Variants in CACNA2D3 observed in about 807,000 individuals in gnomAD.
CACNA2D3 encodes voltage-dependent calcium channel subunit alpha-2/delta-3.
A neutral mutation model predicts 160.6 loss-of-function variants in CACNA2D3; 60 were observed. That is an observed-to-expected ratio of 0.37 (90% CI 0.30 to 0.46). CACNA2D3 has a LOEUF of 0.46. Ranked by LOEUF, CACNA2D3 falls within the 20% of genes least tolerant of loss-of-function variation. The pLI is 1.00. For synonymous variants in CACNA2D3, 558 were observed against 492.9 expected (o/e 1.13, Z -1.75); for missense variants, 1,205 against 1,365.0 (o/e 0.88, Z 1.85).
chr3:54,772,515 TC>T (rs1559576947), intron 13 of CACNA2D3, among the ~76,000 whole-genome samples: 3 of 152,006 alleles, frequency 2.0e-5, no homozygotes, highest in Non-Finnish European at 4.4e-5. Flanking sequence ...TGACAAAACT[TC>T]CTTTCAGGGC....
intron 14 of CACNA2D3, among the ~76,000 whole-genome samples, chr3:54,829,885 C>CTTTTTTTTTTTTTTTTT (rs58291013): frequency 6.2e-5 from 4 of 64,352 alleles, no homozygotes; most frequent in Admixed American, 2.0e-4. Context: ...TCTTCTTCAT[C>CTTTTTTTTTTTTTTTTT]TTTTTTTTTT....
intron 27 of CACNA2D3, among the ~76,000 whole-genome samples, chr3:54,947,630 A>G (rs1328161859): frequency 6.6e-6 from 1 of 152,036 alleles, no homozygotes; most frequent in Non-Finnish European, 1.5e-5. Flanking sequence ...GATAGTGGAG[A>G]CTTAGTAGCA....
At chr3:55,012,907 T>A (rs911217966) in intron 34 of CACNA2D3, among the ~76,000 whole-genome samples, 1 of 152,036 alleles carries the variant, frequency 6.6e-6, no homozygotes, top group Non-Finnish European at 1.5e-5. Flanking sequence ...ATTCTGCAAT[T>A]TCACCACCCC....
chr3:55,033,702 A>ATTT (rs370650160), intron 35 of CACNA2D3, among the ~76,000 whole-genome samples: 1 of 67,622 alleles, frequency 1.5e-5, no homozygotes, highest in Non-Finnish European at 3.2e-5. Flanking sequence ...CTTAAAAAAT[A>ATTT]TATATAATAT....
At chr3:54,630,116 G>A (rs139830367) in intron 10 of CACNA2D3, among the ~76,000 whole-genome samples, 4 of 152,204 alleles carry the variant, frequency 2.6e-5, no homozygotes, top group Non-Finnish European at 4.4e-5. Context: ...TCACACACCC[G>A]TGAGGTGGTC....
chr3:54,357,570 G>A (rs1201334001), intron 3 of CACNA2D3, among the ~76,000 whole-genome samples: 1 of 152,142 alleles, frequency 6.6e-6, no homozygotes, highest in Non-Finnish European at 1.5e-5. Flanking sequence ...GAGCTCTTTT[G>A]TATTTACCCA....
intron 17 of CACNA2D3, among the ~76,000 whole-genome samples, chr3:54,863,889 C>T (rs1699347059): frequency 1.3e-5 from 2 of 152,128 alleles, no homozygotes; most frequent in African/African-American, 4.8e-5. Flanking sequence ...CTTGACATGC[C>T]CCGTTGCCTC....
At chr3:54,192,129 T>A (rs1258669053) in intron 2 of CACNA2D3, among the ~76,000 whole-genome samples, 1 of 151,724 alleles carries the variant, frequency 6.6e-6, no homozygotes, top group Admixed American at 6.6e-5. Context: ...TTCTTTTTAA[T>A]TCCCTGTCAG....
chr3:54,552,582 A>G (rs1702176392), intron 5 of CACNA2D3, among the ~76,000 whole-genome samples: 1 of 152,186 alleles, frequency 6.6e-6, no homozygotes, highest in Non-Finnish European at 1.5e-5. Flanking sequence ...CTTTGGGGAT[A>G]GATTTCCTCA....
chr3:54,541,939 T>G (rs201680814), intron 5 of CACNA2D3, among the ~76,000 whole-genome samples: 20 of 142,068 alleles, frequency 1.4e-4, no homozygotes, highest in South Asian at 6.7e-4. Flanking sequence ...TGTGTGTGGG[T>G]TTTTTTTTTT....
At chr3:54,689,238 C>T (rs1187328764) in intron 11 of CACNA2D3, among the ~76,000 whole-genome samples, 2 of 152,128 alleles carry the variant, frequency 1.3e-5, no homozygotes, top group Non-Finnish European at 2.9e-5. Context: ...CTGTTGGTTT[C>T]ATTCCTCTCA....
chr3:54,177,295 C>T (rs997073731), intron 2 of CACNA2D3, among the ~76,000 whole-genome samples: 3 of 152,092 alleles, frequency 2.0e-5, no homozygotes, highest in African/African-American at 4.8e-5. Flanking sequence ...CTTTAAATTC[C>T]GGGTTTTTTA....
intron 13 of CACNA2D3, among the ~76,000 whole-genome samples, chr3:54,786,321 T>C (rs183628892): frequency 1.3e-3 from 204 of 152,322 alleles, no homozygotes; most frequent in African/African-American, 4.4e-3. Flanking sequence ...AATGGTAATA[T>C]GGATGAATGA....
chr3:54,503,470 G>GT (rs978487407), intron 4 of CACNA2D3, 22 bp from the exon 5 acceptor site: 2 of 1,612,654 alleles, frequency 1.2e-6, no homozygotes, highest in South Asian at 1.1e-5. Flanking sequence ...CACATGTAAT[G>GT]TTTTTTGACT....
chr3:54,932,657 T>C (rs145538116), intron 27 of CACNA2D3, among the ~76,000 whole-genome samples: 397 of 152,350 alleles, frequency 2.6e-3, no homozygotes, highest in African/African-American at 9.1e-3. Flanking sequence ...TCTGTCTTTC[T>C]CTGCCAAGGG....
At chr3:54,964,297 G>C (rs2107056165) in intron 27 of CACNA2D3, among the ~76,000 whole-genome samples, 1 of 152,288 alleles carries the variant, frequency 6.6e-6, no homozygotes, top group African/African-American at 2.4e-5. Context: ...CAGCAGGGAG[G>C]GAGCCCTGGG....
At chr3:54,364,871 C>T (rs1030901857) in intron 3 of CACNA2D3, among the ~76,000 whole-genome samples, 6 of 152,156 alleles carry the variant, frequency 3.9e-5, no homozygotes, top group African/African-American at 9.7e-5. Context: ...CTTTTTGAAG[C>T]GTTGTATTTG....
intron 16 of CACNA2D3, 45 bp downstream of exon 16, chr3:54,838,693 C>A (rs771052790): frequency 7.2e-7 from 1 of 1,396,052 alleles, no homozygotes; most frequent in South Asian, 1.2e-5. Context: ...CAGAGATGCC[C>A]AGAGCCTTGT....
At chr3:54,655,333 T>G (rs1440715526) in intron 11 of CACNA2D3, among the ~76,000 whole-genome samples, 1 of 152,170 alleles carries the variant, frequency 6.6e-6, no homozygotes, top group East Asian at 1.9e-4. Flanking sequence ...TTATTAAGAA[T>G]TAAACAAAAT....
Sources: allele counts gnomAD v4.1 joint callset (sites outside exome capture counted in the v4.1 genomes callset), GRCh38; gene constraint gnomAD v4.1.1; transcripts MANE v1.5; gene names NCBI Gene and HGNC (gene_info 2026-07-23, HGNC 2026-07-21).